The following LHFPL4 variants were observed in gnomAD, a reference collection of about 807,000 sequenced individuals.
LHFPL4 encodes LHFPL tetraspan subfamily member 4 protein.
LHFPL4 carries 6 observed loss-of-function variants against 20.0 expected under a neutral mutation model. That is an observed-to-expected ratio of 0.30 (90% confidence interval 0.16 to 0.59). LHFPL4 has a LOEUF of 0.59. Ranked by LOEUF, LHFPL4 falls within the 20% of genes least tolerant of loss-of-function variation. LHFPL4 has a pLI of 0.88. For synonymous variants in LHFPL4, 129 were observed against 143.8 expected (o/e 0.90, Z 0.74); for missense variants, 215 against 331.2 (o/e 0.65, Z 2.72).
intron 1 of LHFPL4, among the ~76,000 whole-genome samples, 161 bp from the exon 2 acceptor site, chr3:9,553,008 T>A (rs1326395826): frequency 2.0e-4 from 8 of 39,338 alleles, no homozygotes; most frequent in Admixed American, 1.8e-3. Context: ...TGCTTGAAAG[T>A]GGCCATGGGG....
intron 2 of LHFPL4, among the ~76,000 whole-genome samples, chr3:9,549,091 T>A (rs2046535992): frequency 6.6e-6 from 1 of 152,198 alleles, no homozygotes. Flanking sequence ...CGATAAACCC[T>A]AGCCTCTTTA....
At chr3:9,519,278 T>C (rs1375759386) in intron 2 of LHFPL4, among the ~76,000 whole-genome samples, 1 of 152,044 alleles carries the variant, frequency 6.6e-6, no homozygotes, top group African/African-American at 2.4e-5. Context: ...TTTCACCATA[T>C]TGGCCAGGCT....
At chr3:9,512,679 T>C (rs2046269028) in intron 2 of LHFPL4, among the ~76,000 whole-genome samples, 3 of 152,138 alleles carry the variant, frequency 2.0e-5, no homozygotes, top group South Asian at 2.1e-4. Context: ...GCAAAATACA[T>C]GTAGATGTGT....
chr3:9,533,134 T>C (rs1452493831), intron 2 of LHFPL4, among the ~76,000 whole-genome samples: 4 of 152,152 alleles, frequency 2.6e-5, no homozygotes, highest in African/African-American at 9.7e-5. Flanking sequence ...TATTACAGTC[T>C]CCAAAAGCTG....
At chr3:9,546,208 A>G (rs2046511378) in intron 2 of LHFPL4, among the ~76,000 whole-genome samples, 1 of 151,548 alleles carries the variant, frequency 6.6e-6, no homozygotes, top group Admixed American at 6.6e-5. Context: ...CCAGCTACTC[A>G]GTAGGCTGAG....
intron 2 of LHFPL4, among the ~76,000 whole-genome samples, chr3:9,520,899 G>A (rs1022842718): frequency 1.2e-4 from 19 of 152,072 alleles, no homozygotes; most frequent in Admixed American, 5.9e-4. Context: ...ACATGAAGTA[G>A]TTTACAGATA....
intron 2 of LHFPL4, among the ~76,000 whole-genome samples, chr3:9,548,130 T>C (rs1159538225): frequency 2.0e-5 from 3 of 152,062 alleles, no homozygotes; most frequent in Admixed American, 6.6e-5. Flanking sequence ...GAGTCAGACA[T>C]ATGGAGTTAC....
chr3:9,517,280 C>A (rs1292841151), intron 2 of LHFPL4, among the ~76,000 whole-genome samples: 2 of 152,074 alleles, frequency 1.3e-5, no homozygotes, highest in African/African-American at 4.8e-5. Flanking sequence ...TGCATTGAAT[C>A]TAAAGATCAT....
chr3:9,551,154 AAT>A (rs2046550596), intron 2 of LHFPL4: 11 of 152,248 alleles, frequency 7.2e-5, no homozygotes, highest in Admixed American at 7.2e-4. Flanking sequence ...TGAACAATGG[AAT>A]CATCAGCAAG....
intron 2 of LHFPL4, among the ~76,000 whole-genome samples, chr3:9,532,625 G>A (rs542375539): frequency 1.2e-3 from 178 of 152,288 alleles, no homozygotes; most frequent in African/African-American, 4.1e-3. Context: ...ATGAGGCACC[G>A]CGCCTGGCCT....
Position 9,506,286 on chromosome 3 carries a change from C to G in LHFPL4, c.407-83G>C. On this transcript the variant is annotated intron_variant, in intron 2 of 3. Coordinates refer to ENST00000287585, the MANE Select transcript of LHFPL4 (RefSeq NM_198560.3). This position sits in a 1 kb window ranked among gnomAD's most constrained non-coding sequence, Gnocchi z 4.5. Reference sequence around the variant, plus strand: ...TACTCGCTAGTGTCCGCAGTCTGGGCCCCACCCTATTGAGGGCACATCAAC... The same window carrying G: ...TACTCGCTAGTGTCCGCAGTCTGGGGCCCACCCTATTGAGGGCACATCAAC... 6 of 1,130,862 alleles carry G rather than the reference C, an allele frequency of 5.3e-6. No individual in the cohort carries two copies. The highest frequency in any genetic ancestry group is 6.6e-6 in the Non-Finnish European group (5 of 756,752). 70.1% of individuals were successfully genotyped at this position (1,130,862 alleles called of 1,614,324 possible).
At chr3:9,536,076 C>G (rs1042569611) in intron 2 of LHFPL4, among the ~76,000 whole-genome samples, 1 of 152,218 alleles carries the variant, frequency 6.6e-6, no homozygotes, top group African/African-American at 2.4e-5. Context: ...GGATTACAAG[C>G]GTGAGCCACC....
intron 2 of LHFPL4, among the ~76,000 whole-genome samples, chr3:9,513,114 T>C (rs949943573): frequency 2.0e-5 from 3 of 151,558 alleles, no homozygotes; most frequent in Non-Finnish European, 2.9e-5. Context: ...CGCCCGCCAC[T>C]ACTCCCGGCT....
At chr3:9,532,750 G>A (rs2046418267) in intron 2 of LHFPL4, among the ~76,000 whole-genome samples, 1 of 152,180 alleles carries the variant, frequency 6.6e-6, no homozygotes, top group South Asian at 2.1e-4. Flanking sequence ...GCTGCCACCT[G>A]TTATAGGGGA....
intron 2 of LHFPL4, among the ~76,000 whole-genome samples, chr3:9,552,008 A>C (rs1282402278): frequency 6.6e-6 from 1 of 152,122 alleles, no homozygotes; most frequent in African/African-American, 2.4e-5. Context: ...ACACTAACTT[A>C]ATGCTAACCG....
intron 2 of LHFPL4, among the ~76,000 whole-genome samples, chr3:9,514,911 A>G (rs772486391): frequency 1.1e-4 from 17 of 152,348 alleles, no homozygotes; most frequent in Admixed American, 4.6e-4. Context: ...CTACTGAAGA[A>G]TATCTTGTTT....
intron 2 of LHFPL4, among the ~76,000 whole-genome samples, chr3:9,526,468 G>A (rs2046376378): frequency 6.6e-6 from 1 of 152,164 alleles, no homozygotes; most frequent in Non-Finnish European, 1.5e-5. Flanking sequence ...TTGAATAACT[G>A]TCTTTATTTT....
intron 2 of LHFPL4, among the ~76,000 whole-genome samples, chr3:9,529,428 A>G (rs1422683432): frequency 6.6e-5 from 10 of 152,204 alleles, no homozygotes; most frequent in African/African-American, 2.4e-4. Flanking sequence ...CAACTTATCT[A>G]TGGCAGCTAT....
At chr3:9,543,920 A>G (rs2046495149) in intron 2 of LHFPL4, among the ~76,000 whole-genome samples, 1 of 151,570 alleles carries the variant, frequency 6.6e-6, no homozygotes, top group Non-Finnish European at 1.5e-5. Flanking sequence ...ATGGGGTTTC[A>G]CCATGTTGCC....
Sources: allele counts gnomAD v4.1 joint callset (sites outside exome capture counted in the v4.1 genomes callset), GRCh38; gene constraint gnomAD v4.1.1; non-coding constraint Gnocchi (gnomAD v3.1); transcripts MANE v1.5; gene names NCBI Gene and HGNC (gene_info 2026-07-23, HGNC 2026-07-21).